Variants in CDH23 observed in about 807,000 individuals in gnomAD.
CDH23 encodes the protein cadherin-23.
CDH23 carries 189 observed loss-of-function variants against 317.1 expected under a neutral mutation model. That is an observed-to-expected ratio of 0.60 (90% CI 0.53 to 0.67). The LOEUF (loss-of-function observed/expected upper bound fraction) is 0.67. CDH23 is among the 30% of genes least tolerant of loss of function. The pLI, the probability that CDH23 is intolerant of heterozygous loss-of-function variation, is 0.00. For synonymous variants in CDH23, 1,839 were observed against 1,876.8 expected, an observed-to-expected ratio of 0.98 and a Z score of 0.52; for missense variants, 4,401 against 4,592.4, an observed-to-expected ratio of 0.96 and a Z score of 1.20.
intron 22 of CDH23, among the ~76,000 whole-genome samples, chr10:71,696,446 G>C (rs571037328): frequency 6.6e-6 from 1 of 152,346 alleles, no homozygotes; most frequent in South Asian, 2.1e-4. Context: ...CTGTGGAGGA[G>C]ACAGACTTAG....
intron 6 of CDH23, among the ~76,000 whole-genome samples, chr10:71,546,388 G>T (rs946711931): frequency 1.3e-5 from 2 of 152,204 alleles, no homozygotes; most frequent in Non-Finnish European, 2.9e-5. Context: ...AGCTACTGTG[G>T]TGAGCAAGGC....
At chr10:71,481,692 G>T (rs1852074548) in intron 3 of CDH23, among the ~76,000 whole-genome samples, 1 of 152,216 alleles carries the variant, frequency 6.6e-6, no homozygotes, top group Non-Finnish European at 1.5e-5. Context: ...CGTGGCAAAT[G>T]GGAGCAAAGG....
intron 1 of CDH23, among the ~76,000 whole-genome samples, chr10:71,404,821 G>T (rs530117973): frequency 6.6e-6 from 1 of 152,214 alleles, no homozygotes; most frequent in South Asian, 2.1e-4. Flanking sequence ...TGAGGCAGGC[G>T]GTTAGCGATA....
At chr10:71,438,570 C>G (rs1028551324) in intron 1 of CDH23, among the ~76,000 whole-genome samples, 4 of 152,090 alleles carry the variant, frequency 2.6e-5, no homozygotes, top group Admixed American at 2.0e-4. Context: ...TGAGGCCTCT[C>G]CAAGTCCAGA....
At chr10:71,725,565 A>G (rs1368872575) in intron 30 of CDH23, 45 bp downstream of exon 30, 5 of 1,589,384 alleles carry the variant, frequency 3.1e-6, no homozygotes, top group Non-Finnish European at 4.3e-6. Flanking sequence ...GGACGGGGCC[A>G]AGCCCACAGC....
chr10:71,438,614 T>A (rs1441891969), intron 1 of CDH23, among the ~76,000 whole-genome samples: 1 of 152,144 alleles, frequency 6.6e-6, no homozygotes, highest in Non-Finnish European at 1.5e-5. Flanking sequence ...TCTTTCTTAA[T>A]CCCTCACCCC....
chr10:71,602,496 C>G (rs918707150), intron 9 of CDH23, among the ~76,000 whole-genome samples: 2 of 152,176 alleles, frequency 1.3e-5, no homozygotes, highest in African/African-American at 4.8e-5. Flanking sequence ...ACACTGCTTC[C>G]ACATGATCTC....
intron 22 of CDH23, among the ~76,000 whole-genome samples, chr10:71,696,135 G>A (rs1865381020): frequency 6.6e-6 from 1 of 152,196 alleles, no homozygotes; most frequent in Admixed American, 6.5e-5. Flanking sequence ...CTCCAGCGGA[G>A]ACCAGAATCC....
chr10:71,790,682 C>T (rs866211514), intron 46 of CDH23: 16 of 517,046 alleles, frequency 3.1e-5, no homozygotes, highest in South Asian at 2.3e-4. Flanking sequence ...AGCCCACTCC[C>T]GTCATCTCCC....
At chr10:71,405,938 C>T (rs1186162007) in intron 1 of CDH23, among the ~76,000 whole-genome samples, 1 of 152,094 alleles carries the variant, frequency 6.6e-6, no homozygotes. Context: ...CTGCACTGCC[C>T]AGTAGAAAAA....
intron 45 of CDH23, among the ~76,000 whole-genome samples, chr10:71,789,673 G>A (rs1841190605): frequency 6.6e-6 from 1 of 152,206 alleles, no homozygotes; most frequent in Admixed American, 6.5e-5. Context: ...GTGCCCGTGT[G>A]TGTCCATACC....
intron 28 of CDH23, chr10:71,715,807 C>T (rs906886284): frequency 1.0e-4 from 93 of 896,062 alleles, no homozygotes; most frequent in Admixed American, 7.3e-5. Flanking sequence ...CAAGGAGCTT[C>T]GGGGGGTGAG....
rs376447805 is a variant in CDH23, at chr10:71,734,236, G to T, written c.4105-4G>T. On this transcript the variant is annotated splice_region_variant and splice_polypyrimidine_tract_variant and intron_variant, in intron 32 of 69. Transcript: ENST00000224721. ...CACTCACCCATCTGGCCCCTTCCCTGCAGGGTGTGATCACAGTCCAGGGCC... is the reference window on the plus strand; with the variant it reads ...CACTCACCCATCTGGCCCCTTCCCTTCAGGGTGTGATCACAGTCCAGGGCC... The T allele has an allele frequency of 2.5e-6, 4 of 1,605,580 alleles. No homozygotes were observed. Among genetic ancestry groups the T allele is most frequent in the Non-Finnish European group, 3.4e-6 (4 of 1,176,208 alleles).
chr10:71,811,878 T>TCC, intron 65 of CDH23, 77 bp from the exon 66 acceptor site: 1 of 1,422,966 alleles, frequency 7.0e-7, no homozygotes, highest in Non-Finnish European at 9.7e-7. Flanking sequence ...CCGCACCCCA[T>TCC]CCTCCCTCAC....
chr10:71,494,152 A>G (rs929849020), intron 3 of CDH23, among the ~76,000 whole-genome samples: 18 of 152,228 alleles, frequency 1.2e-4, no homozygotes, highest in African/African-American at 4.1e-4. Context: ...AATCGCAAGC[A>G]GCAAAGTGCC....
At chr10:71,462,286 C>A (rs939594460) in intron 3 of CDH23, among the ~76,000 whole-genome samples, 2 of 152,214 alleles carry the variant, frequency 1.3e-5, no homozygotes, top group African/African-American at 4.8e-5. Flanking sequence ...TTACTCCTGA[C>A]GGCCTTCATT....
chr10:71,759,878 CACACACATAT>C (rs1415744303), intron 38 of CDH23, among the ~76,000 whole-genome samples: 6 of 75,200 alleles, frequency 8.0e-5, no homozygotes, highest in Non-Finnish European at 1.0e-4. Context: ...TATATACACA[CACACACATAT>C]ACACACACAC....
At position 71,725,183 on chromosome 10, in the gene CDH23, C is replaced by G. The variant is rs74147039; in HGVS notation, c.3431-189C>G. 0.027 allele frequency among the ~76,000 whole-genome samples: 4,046 copies of G among 152,304 alleles called. 208 individuals carry two copies. Among genetic ancestry groups the G allele is most frequent in the African/African-American group, 0.093 (3,865 of 41,548 alleles). ...GCAGGTGAAACGCATTGGGGATGGC[C>G]TGTCTGCCTTGCCCCACCTCACAGA... On this transcript the variant is annotated intron_variant, in intron 29 of 69. Transcript: ENST00000224721.
chr10:71,651,149 C>G (rs949628087), intron 14 of CDH23, among the ~76,000 whole-genome samples: 1 of 152,136 alleles, frequency 6.6e-6, no homozygotes, highest in Non-Finnish European at 1.5e-5. Context: ...AATAGGGTAC[C>G]TGACCTTGCC....
Sources: gnomAD v4.1 joint callset for allele counts (sites outside exome capture counted in the v4.1 genomes callset) on GRCh38, gnomAD v4.1.1 for gene constraint, MANE v1.5 for transcripts, NCBI Gene and HGNC (gene_info 2026-07-23, HGNC 2026-07-21) for gene names.